SS18L1: variants seen among roughly 807,000 people sequenced by gnomAD.
SS18L1 encodes calcium-responsive transactivator.
A neutral mutation model predicts 70.3 loss-of-function variants in SS18L1; 32 were observed. That is an observed-to-expected ratio of 0.46 (90% CI 0.34 to 0.61). The LOEUF (loss-of-function observed/expected upper bound fraction) is 0.61. Among genes scored for constraint, SS18L1 ranks in the 20% least tolerant of loss-of-function variants. The pLI is 0.01. For synonymous variants in SS18L1, 237 were observed against 229.7 expected (o/e 1.03, Z -0.29); for missense variants, 430 against 542.1 (o/e 0.79, Z 2.05).
chr20:62,165,398 T>C (rs2057408971), intron 7 of SS18L1, 24 bp from the exon 8 acceptor site: 3 of 1,602,350 alleles, frequency 1.9e-6, no homozygotes, highest in Non-Finnish European at 2.6e-6. Flanking sequence ...CTCCGCTGAC[T>C]GTCGCCGTCT....
intron 1 of SS18L1, among the ~76,000 whole-genome samples, chr20:62,144,485 C>T (rs986317290): frequency 1.2e-4 from 18 of 152,226 alleles, no homozygotes; most frequent in Non-Finnish European, 5.9e-5. Flanking sequence ...CGTCCCGATC[C>T]CCATTTGCGG....
chr20:62,156,738 G>T (rs752993343), intron 1 of SS18L1, among the ~76,000 whole-genome samples: 1 of 152,200 alleles, frequency 6.6e-6, no homozygotes, highest in Non-Finnish European at 1.5e-5. Flanking sequence ...ACGTTGCAGG[G>T]TGGAGGCACA....
intron 8 of SS18L1, 119 bp downstream of exon 8, chr20:62,165,633 C>A: frequency 1.1e-6 from 1 of 931,534 alleles, no homozygotes; most frequent in Non-Finnish European, 1.7e-6. Flanking sequence ...AATCACAGCA[C>A]AGCGCGTGGG....
At chr20:62,177,445 A>G in intron 10 of SS18L1, among the ~76,000 whole-genome samples, 1 of 152,184 alleles carries the variant, frequency 6.6e-6, no homozygotes, top group South Asian at 2.1e-4. Flanking sequence ...TAGAATCATC[A>G]CAGGCAGCTC....
chr20:62,146,773 C>G (rs6142716), intron 1 of SS18L1, among the ~76,000 whole-genome samples: 98,413 of 151,864 alleles, frequency 0.65, 35,835 homozygotes, highest in Non-Finnish European at 0.81. Flanking sequence ...GCGCGTGCCA[C>G]CACGCCCGGC....
rs537537511 is a variant in SS18L1 at position 62,159,010 on chromosome 20, G to A, written c.146+262G>A. 4.6e-5 allele frequency: 69 copies of A among 1,493,256 alleles called. No homozygotes were observed. The African/African-American group carries it at 8.0e-4, about 17-fold the overall frequency. 92.5% of individuals were successfully genotyped at this position (1,493,256 alleles called of 1,614,324 possible). A position where few individuals can be genotyped will look rare whatever the true frequency, so the allele number is the denominator to read the frequency against. On this transcript the variant is annotated intron_variant, in intron 2 of 10. Coordinates refer to ENST00000331758, the MANE Select transcript of SS18L1 (RefSeq NM_198935.3). This position sits in a 1 kb window ranked among gnomAD's most constrained non-coding sequence, Gnocchi z 4.4. ...TGTCCCGAGAGTCCCCCAGCACGGA[G>A]GCCAGATATGTCCCGAGAGTCCCCC...
rs1415559352 is a variant in SS18L1, at chr20:62,174,139, G to C, written c.1037-378G>C. Among the ~76,000 whole-genome samples, 2 of 152,178 alleles carry C rather than the reference G, an allele frequency of 1.3e-5. No homozygotes were observed. The highest frequency in any genetic ancestry group is 2.9e-5 in the Non-Finnish European group (2 of 68,046). On this transcript the variant is annotated intron_variant, in intron 9 of 10. Coordinates refer to ENST00000331758, the MANE Select transcript of SS18L1 (RefSeq NM_198935.3). This position sits in a 1 kb window ranked among gnomAD's most constrained non-coding sequence, Gnocchi z 4.1. ...TTTCAGCAGCTCCCGTGGTAGTTCAGTGACAAGTTACAGCAGCCAGTGTGA... is the reference window on the plus strand; with the variant it reads ...TTTCAGCAGCTCCCGTGGTAGTTCACTGACAAGTTACAGCAGCCAGTGTGA...
chr20:62,171,905 G>C (rs1011993178), intron 8 of SS18L1, among the ~76,000 whole-genome samples: 5 of 152,158 alleles, frequency 3.3e-5, no homozygotes, highest in Admixed American at 6.5e-5. Context: ...GCTCACGCCT[G>C]TAATCCTAGC....
rs2057686650 is a variant in SS18L1 at position 62,180,215 on chromosome 20, G to C, written c.*1007G>C. The C allele has an allele frequency of 4.9e-6, 1 of 203,836 alleles. No individual in the cohort carries two copies. The highest frequency in any genetic ancestry group is 1.0e-5 in the Non-Finnish European group (1 of 99,538). 12.6% of individuals were successfully genotyped at this position (203,836 alleles called of 1,614,324 possible). On this transcript the variant is annotated 3_prime_UTR_variant, in exon 11 of 11. Coordinates refer to ENST00000331758, the MANE Select transcript of SS18L1 (RefSeq NM_198935.3). ...AAGCAAGCATTTCTTTTCTTTTAGG[G>C]ATGTCTGAAAGTCACATCCAGTTAC...
At chr20:62,145,511 A>G (rs1199670303) in intron 1 of SS18L1, among the ~76,000 whole-genome samples, 1 of 152,184 alleles carries the variant, frequency 6.6e-6, no homozygotes, top group Non-Finnish European at 1.5e-5. Context: ...CTTAACAGTC[A>G]TTGTTCCTGA....
rs1410023250 is a variant in SS18L1, at chr20:62,158,868, G to T, written c.146+120G>T. On this transcript the variant is annotated intron_variant, in intron 2 of 10. Coordinates refer to ENST00000331758, the MANE Select transcript of SS18L1 (RefSeq NM_198935.3). The surrounding 1 kb of genome is among the most constrained non-coding windows in gnomAD (Gnocchi z 4.5). ...ATCAGATAAGTCCCAGGAGTCCCCAGCACGGAGGCCAGATATGTCCCAGGA... is the reference window on the plus strand; with the variant it reads ...ATCAGATAAGTCCCAGGAGTCCCCATCACGGAGGCCAGATATGTCCCAGGA... 1 of 1,608,456 alleles carries T rather than the reference G, an allele frequency of 6.2e-7. No individual in the cohort carries two copies. The highest frequency in any genetic ancestry group is 1.3e-5 in the African/African-American group (1 of 74,914).
At chr20:62,164,596 C>T (rs2057394297) in intron 7 of SS18L1, among the ~76,000 whole-genome samples, 1 of 152,238 alleles carries the variant, frequency 6.6e-6, no homozygotes, top group African/African-American at 2.4e-5. Flanking sequence ...AGGCGCCTCC[C>T]AGCTTCACAG....
intron 1 of SS18L1, among the ~76,000 whole-genome samples, chr20:62,151,470 C>T (rs1298842176): frequency 6.6e-6 from 1 of 152,198 alleles, no homozygotes; most frequent in Non-Finnish European, 1.5e-5. Flanking sequence ...CATCAGCCAG[C>T]CTGACCAACA....
At chr20:62,179,045 C>A (rs1351824944) in intron 10 of SS18L1, 137 bp from the exon 11 acceptor site, 1 of 884,636 alleles carries the variant, frequency 1.1e-6, no homozygotes, top group Non-Finnish European at 1.8e-6. Flanking sequence ...GAAAGTCGTT[C>A]GCTGCCCCGC....
rs1297693668 is a variant in SS18L1 at position 62,174,176 on chromosome 20, G to A, written c.1037-341G>A. On this transcript the variant is annotated intron_variant, in intron 9 of 10. Transcript: ENST00000331758. This position sits in a 1 kb window ranked among gnomAD's most constrained non-coding sequence, Gnocchi z 4.1. ...AGCAGCCAGTGTGACTGGGGCCAGC[G>A]GGTTCTGGAGGGCTGTCCTGCCTTC... Among the ~76,000 whole-genome samples the A allele has an allele frequency of 1.3e-5, 2 of 152,096 alleles. No individual in the cohort carries two copies. The highest frequency in any genetic ancestry group is 2.9e-5 in the Non-Finnish European group (2 of 68,028).
chr20:62,165,475 C>T lies in SS18L1; in HGVS notation c.877C>T (p.Arg293Trp). ...QSSYTEQSYDRSFEESTQHYY... is the reference protein window; with the variant it reads ...QSSYTEQSYDWSFEESTQHYY... ...ATCCTACACGGAGCAGAGCTACGAC[C>T]GGTCCTTCGAGGAGTCCACGCAGCA... Residue 293 changes from arginine to tryptophan, a missense_variant, in exon 8 of 11, where the codon CGG becomes TGG. Coordinates refer to ENST00000331758, the MANE Select transcript of SS18L1 (RefSeq NM_198935.3). The T allele has an allele frequency of 2.5e-6, 4 of 1,613,134 alleles. No homozygotes were observed. The highest frequency in any genetic ancestry group is 3.4e-6 in the Non-Finnish European group (4 of 1,179,890).
At position 62,158,833 on chromosome 20, in the gene SS18L1, C is replaced by A. The variant is rs1196942191; in HGVS notation, c.146+85C>A. ...GGCCAGATACGTCCCAAGAGTCCCC[C>A]AGCACAGAGATCAGATAAGTCCCAG... On this transcript the variant is annotated intron_variant, in intron 2 of 10. Transcript: ENST00000331758. This position sits in a 1 kb window ranked among gnomAD's most constrained non-coding sequence, Gnocchi z 4.5. 6 of 1,611,444 alleles carry A rather than the reference C, an allele frequency of 3.7e-6. No individual in the cohort carries two copies. Among genetic ancestry groups the A allele is most frequent in the Non-Finnish European group, 4.2e-6 (5 of 1,179,216 alleles).
rs187117291 is a variant in SS18L1 at position 62,154,937 on chromosome 20, C to G, written c.70-3735C>G. ...CAGGACTCCTCCTCAACTTCATATC[C>G]CGCCCCTCTGTTGAATTGTGTTCTG... On this transcript the variant is annotated intron_variant, in intron 1 of 10. Coordinates refer to ENST00000331758, the MANE Select transcript of SS18L1 (RefSeq NM_198935.3). Among the ~76,000 whole-genome samples, 1,374 of 152,264 alleles carry G rather than the reference C, an allele frequency of 9.0e-3. 5 individuals carry two copies. The highest frequency in any genetic ancestry group is 0.014 in the Non-Finnish European group (938 of 68,012).
At chr20:62,163,656 C>T in intron 6 of SS18L1, 34 bp downstream of exon 6, 2 of 1,512,256 alleles carry the variant, frequency 1.3e-6, no homozygotes, top group Middle Eastern at 2.3e-4. Context: ...GCGGGCACAG[C>T]TGACCGCCGC....
Sources: allele counts gnomAD v4.1 joint callset (sites outside exome capture counted in the v4.1 genomes callset), GRCh38; gene constraint gnomAD v4.1.1; non-coding constraint Gnocchi (gnomAD v3.1); transcripts MANE v1.5; gene names NCBI Gene and HGNC (gene_info 2026-07-23, HGNC 2026-07-21).